Variants in KCNK2 observed in about 807,000 individuals in gnomAD.
The protein encoded by KCNK2 is potassium channel subfamily K member 2.
Under a neutral mutation model 40.5 loss-of-function variants are expected in KCNK2, and 21 were observed. That is an observed-to-expected ratio of 0.52 (90% CI 0.37 to 0.75). The LOEUF (loss-of-function observed/expected upper bound fraction) is 0.75. Ranked by LOEUF, KCNK2 falls within the 30% of genes least tolerant of loss-of-function variation. KCNK2 has a pLI of 0.00. For synonymous variants in KCNK2, 191 were observed against 202.2 expected (o/e 0.94, Z 0.47); for missense variants, 399 against 531.6 (o/e 0.75, Z 2.45).
intron 1 of KCNK2, among the ~76,000 whole-genome samples, chr1:215,039,089 T>C (rs899281976): frequency 1.3e-5 from 2 of 152,116 alleles, no homozygotes; most frequent in Non-Finnish European, 2.9e-5. Flanking sequence ...GAAAACAAGA[T>C]ACAAATCAGA....
At chr1:215,027,135 T>C (rs538886097) in intron 1 of KCNK2, among the ~76,000 whole-genome samples, 33 of 152,264 alleles carry the variant, frequency 2.2e-4, no homozygotes, top group African/African-American at 7.5e-4. Context: ...TCAATGCCAG[T>C]AGTTTTTTTC....
chr1:215,117,571 C>A (rs900210117), intron 2 of KCNK2, among the ~76,000 whole-genome samples: 1 of 152,130 alleles, frequency 6.6e-6, no homozygotes, highest in African/African-American at 2.4e-5. Flanking sequence ...TATTCTTTTG[C>A]ATGCTCATAT....
chr1:215,216,462 CAT>C (rs1289282141), intron 6 of KCNK2, among the ~76,000 whole-genome samples: 16 of 146,120 alleles, frequency 1.1e-4, no homozygotes, highest in Non-Finnish European at 9.0e-5. Context: ...TTATATGTAA[CAT>C]ATTAGTATGT....
At chr1:215,211,521 GCTAA>G (rs1171329834) in intron 6 of KCNK2, among the ~76,000 whole-genome samples, 32 of 152,204 alleles carry the variant, frequency 2.1e-4, no homozygotes, top group Admixed American at 8.5e-4. Context: ...CATACAACGT[GCTAA>G]CTTACTATGT....
intron 1 of KCNK2, among the ~76,000 whole-genome samples, chr1:215,077,003 G>T (rs1413711159): frequency 1.3e-5 from 2 of 152,168 alleles, no homozygotes; most frequent in Non-Finnish European, 2.9e-5. Flanking sequence ...GCTCTGTATT[G>T]CTTCACTCTC....
chr1:215,007,091 A>ATATATATGTATATATATGTGTG (rs1178018994), intron 1 of KCNK2, among the ~76,000 whole-genome samples: 13 of 107,026 alleles, frequency 1.2e-4, no homozygotes, highest in African/African-American at 3.5e-4. Flanking sequence ...ATGTGTGTAT[A>ATATATATGTATATATATGTGTG]TATATATGTA....
chr1:215,046,502 G>A (rs1002813444), intron 1 of KCNK2, among the ~76,000 whole-genome samples: 8 of 151,960 alleles, frequency 5.3e-5, no homozygotes, highest in Non-Finnish European at 2.9e-5. Context: ...TTTGTTGCTT[G>A]TACTTTCAAC....
chr1:215,157,588 G>C (rs1212385497), intron 3 of KCNK2, among the ~76,000 whole-genome samples: 1 of 152,152 alleles, frequency 6.6e-6, no homozygotes, highest in Non-Finnish European at 1.5e-5. Context: ...TTTTGAGTAT[G>C]AATACCTTAT....
intron 1 of KCNK2, among the ~76,000 whole-genome samples, chr1:215,021,559 T>G (rs1241404313): frequency 2.0e-5 from 2 of 97,644 alleles, no homozygotes; most frequent in Non-Finnish European, 4.5e-5. Context: ...TTTTTTTTTT[T>G]TTTTGAGACG....
intron 1 of KCNK2, among the ~76,000 whole-genome samples, chr1:215,049,474 C>T (rs2102498375): frequency 6.6e-6 from 1 of 152,198 alleles, no homozygotes; most frequent in East Asian, 1.9e-4. Context: ...GGTTCTTTCA[C>T]TGAACAAAAG....
chr1:215,023,920 G>A (rs965315623), intron 1 of KCNK2, among the ~76,000 whole-genome samples: 4 of 152,180 alleles, frequency 2.6e-5, no homozygotes, highest in East Asian at 1.9e-4. Flanking sequence ...TAATGTTCTT[G>A]TCATTAGGAC....
intron 6 of KCNK2, among the ~76,000 whole-genome samples, chr1:215,199,834 G>T (rs1305339314): frequency 6.6e-6 from 1 of 152,202 alleles, no homozygotes; most frequent in Non-Finnish European, 1.5e-5. Context: ...TAGGAGGAAA[G>T]CAGGGAGTAG....
chr1:215,072,888 A>C (rs1658804795), intron 1 of KCNK2, among the ~76,000 whole-genome samples: 1 of 152,198 alleles, frequency 6.6e-6, no homozygotes, highest in Non-Finnish European at 1.5e-5. Flanking sequence ...CACTACAATA[A>C]ATAATAGAAA....
At chr1:215,100,732 G>A (rs138573126) in intron 2 of KCNK2, among the ~76,000 whole-genome samples, 6 of 152,000 alleles carry the variant, frequency 3.9e-5, no homozygotes, top group East Asian at 1.9e-4. Context: ...TCCACTTGTC[G>A]CAAACCATCC....
chr1:215,183,812 T>C (rs1664322943), intron 5 of KCNK2, among the ~76,000 whole-genome samples: 1 of 152,196 alleles, frequency 6.6e-6, no homozygotes. Context: ...TTTACTGTTC[T>C]TCCTTGACGC....
At chr1:215,172,843 G>A (rs970798388) in intron 5 of KCNK2, among the ~76,000 whole-genome samples, 13 of 151,978 alleles carry the variant, frequency 8.6e-5, no homozygotes, top group African/African-American at 2.7e-4. Flanking sequence ...TTTTAGGAGA[G>A]ATGGGGTTTC....
rs78388936 is a variant in KCNK2, at chr1:215,066,796, A to G, written c.35-19572A>G. ...GGCCAGGTAGTAGATTTTGGAGGAT[A>G]AGGATTTTTACTCTAAATTTGATTA... On this transcript the variant is annotated intron_variant, in intron 1 of 6. Transcript: ENST00000391895. 9.9e-3 allele frequency among the ~76,000 whole-genome samples: 1,509 copies of G among 152,318 alleles called. 24 individuals carry two copies. Among genetic ancestry groups the G allele is most frequent in the African/African-American group, 0.034 (1,404 of 41,554 alleles).
chr1:215,039,262 A>G (rs747113876), intron 1 of KCNK2, among the ~76,000 whole-genome samples: 2 of 152,128 alleles, frequency 1.3e-5, no homozygotes, highest in Non-Finnish European at 2.9e-5. Context: ...AAAAAAAATT[A>G]CTCCAACTTG....
At chr1:215,034,987 C>A (rs2102488489) in intron 1 of KCNK2, among the ~76,000 whole-genome samples, 1 of 152,116 alleles carries the variant, frequency 6.6e-6, no homozygotes, top group East Asian at 1.9e-4. Context: ...CAGTGAAAAA[C>A]CTGGCTTCCA....
Sources: gnomAD v4.1 joint callset for allele counts (sites outside exome capture counted in the v4.1 genomes callset) on GRCh38, gnomAD v4.1.1 for gene constraint, MANE v1.5 for transcripts, NCBI Gene and HGNC (gene_info 2026-07-23, HGNC 2026-07-21) for gene names.